LMO7: variants seen among roughly 807,000 people sequenced by gnomAD.
LMO7 encodes LIM domain 7.
A neutral mutation model predicts 206.5 loss-of-function variants in LMO7; 120 were observed. The ratio of observed to expected loss-of-function variants is 0.58; its 90% CI spans 0.50 to 0.68. The LOEUF (loss-of-function observed/expected upper bound fraction) is 0.68, where lower values mean the gene tolerates loss of function less well. Ranked by LOEUF, LMO7 falls within the 30% of genes least tolerant of loss-of-function variation. LMO7 has a pLI of 0.00. For synonymous variants in LMO7, 706 were observed against 681.5 expected, an observed-to-expected ratio of 1.04 and a Z score of -0.56; for missense variants, 1,959 against 1,957.9, an observed-to-expected ratio of 1.00 and a Z score of -0.01.
rs766549380 is a variant in LMO7 at position 75,842,865 on chromosome 13, A to G, written c.4046A>G (p.Tyr1349Cys). 9 of 1,605,870 alleles carry G rather than the reference A, an allele frequency of 5.6e-6. No individual in the cohort carries two copies. Among genetic ancestry groups the G allele is most frequent in the East Asian group, 2.2e-5 (1 of 44,812 alleles). Residue 1349 changes from tyrosine to cysteine, a missense_variant, in exon 25 of 31, where the codon TAT becomes TGT. Coordinates refer to ENST00000377534, the MANE Select transcript of LMO7 (RefSeq NM_001306080.2). ...CTATCTTTTAGGCCTGTTGATTCCT[A>G]TGATATACCAAAGACAGAAGAAGCA... ...IYQYRRPVDS[Y>C]DIPKTEEASS... is the part of the protein sequence containing the mutation.
intron 4 of LMO7, among the ~76,000 whole-genome samples, chr13:75,788,400 G>C (rs2052753855): frequency 6.9e-6 from 1 of 145,508 alleles, no homozygotes; most frequent in Admixed American, 7.1e-5. Context: ...GTTGCAATGA[G>C]CCGAGATTGT....
chr13:75,804,752 C>CT (rs1328242646), intron 8 of LMO7: 6 of 1,046,448 alleles, frequency 5.7e-6, no homozygotes, highest in African/African-American at 1.6e-5. Context: ...TTTGCTAGGT[C>CT]TTTTTTTAGA....
intron 3 of LMO7, among the ~76,000 whole-genome samples, chr13:75,728,897 G>T (rs866281798): frequency 0.011 from 1,670 of 146,716 alleles, 37 homozygotes; most frequent in African/African-American, 0.041. Flanking sequence ...TTTCCCCATT[G>T]CTTGTTTTTC....
chr13:75,836,490 T>C (rs1049959737), intron 19 of LMO7, 33 bp downstream of exon 19: 9 of 1,144,226 alleles, frequency 7.9e-6, no homozygotes, highest in South Asian at 1.4e-5. Flanking sequence ...ACATTTATAA[T>C]ACAGGAAAAG....
At position 75,800,750 on chromosome 13, in the gene LMO7, C is replaced by T; in HGVS notation, c.529C>T (p.Pro177Ser). ...RDSGYGDIWC[P>S]ERGEFLAPPR... The stretch of plus-strand genomic sequence containing the variant: ...CAGTGGCTACGGTGACATCTGGTGT[C>T]CTGAACGTGGAGAATTTCTTGCTCC... The change falls in exon 7 of 31, where the codon CCT (proline) becomes TCT (serine). Residue 177 changes from proline (P) to serine (S), a missense_variant. Coordinates refer to ENST00000377534, the MANE Select transcript of LMO7 (RefSeq NM_001306080.2). The T allele has an allele frequency of 6.2e-7, 1 of 1,614,082 alleles. No individual in the cohort carries two copies. Among genetic ancestry groups the T allele is most frequent in the Admixed American group, 1.7e-5 (1 of 60,004 alleles).
chr13:75,645,220 G>C (rs1372744392), intron 1 of LMO7, among the ~76,000 whole-genome samples: 6 of 152,156 alleles, frequency 3.9e-5, no homozygotes, highest in Admixed American at 2.0e-4. Context: ...TCATGTTTTT[G>C]ATTAGGATAC....
intron 3 of LMO7, among the ~76,000 whole-genome samples, chr13:75,746,312 CCCTGG>C: frequency 1.3e-5 from 2 of 152,106 alleles, no homozygotes; most frequent in South Asian, 2.1e-4. Flanking sequence ...AAATGTTGTT[CCCTGG>C]CAGCATCATG....
intron 15 of LMO7, among the ~76,000 whole-genome samples, chr13:75,824,159 G>A (rs1420024967): frequency 1.3e-5 from 2 of 152,096 alleles, no homozygotes; most frequent in African/African-American, 4.8e-5. Flanking sequence ...AGTAGTGGTT[G>A]CCTTATACTG....
At chr13:75,634,923 T>C (rs896282023), upstream of LMO7, among the ~76,000 whole-genome samples, 3 of 150,586 alleles carry the variant, frequency 2.0e-5, no homozygotes, top group South Asian at 2.1e-4. Context: ...AGAGAATTGC[T>C]TGAACCCAGG....
chr13:75,832,964 G>A (rs551852677), intron 15 of LMO7, 87 bp from the exon 16 acceptor site: 139 of 723,114 alleles, frequency 1.9e-4, no homozygotes, highest in African/African-American at 5.3e-4. Flanking sequence ...TCTACCTAGC[G>A]TGCAGTCTCC....
At chr13:75,681,706 GTATATA>G (rs150463472) in intron 1 of LMO7, among the ~76,000 whole-genome samples, 2 of 93,326 alleles carry the variant, frequency 2.1e-5, no homozygotes, top group East Asian at 2.9e-4. Context: ...GTATGTATGT[GTATATA>G]TATATGTATA....
intron 1 of LMO7, among the ~76,000 whole-genome samples, chr13:75,682,197 G>A (rs550434282): frequency 2.0e-5 from 3 of 152,254 alleles, no homozygotes; most frequent in African/African-American, 7.2e-5. Context: ...GTACTAATAT[G>A]TTTGTAGGTA....
chr13:75,621,933 A>C lies in LMO7; in HGVS notation c.175+65A>C, dbSNP rs372960110. 10 of 1,256,080 alleles carry C rather than the reference A, an allele frequency of 8.0e-6. No homozygotes were observed. In the African/African-American group the frequency reaches 1.5e-4, roughly 19 times the overall value. 77.8% of individuals were successfully genotyped at this position (1,256,080 alleles called of 1,614,324 possible). A position where few individuals can be genotyped will look rare whatever the true frequency, so the allele number is the denominator to read the frequency against. On this transcript the variant is annotated intron_variant, in intron 1 of 29. Coordinates refer to the LMO7 transcript ENST00000341547. ...GAAAGAACTAAGGCAGAGCATCTCC[A>C]TTTGGCTTTTCTTTAGGAACACATG...
intron 4 of LMO7, among the ~76,000 whole-genome samples, chr13:75,769,100 A>G (rs1421689457): frequency 1.3e-5 from 2 of 152,150 alleles, no homozygotes; most frequent in African/African-American, 4.8e-5. Context: ...CATTAAGATA[A>G]AACTTTATTT....
At chr13:75,849,704 A>G (rs1473617879) in intron 27 of LMO7, among the ~76,000 whole-genome samples, 1 of 152,148 alleles carries the variant, frequency 6.6e-6, no homozygotes, top group Non-Finnish European at 1.5e-5. Flanking sequence ...TGAGATAATG[A>G]TTAGATTGGA....
rs1481587445 is a variant in LMO7 at position 75,832,940 on chromosome 13, T to C, written c.2950-111T>C. 8.3e-6 allele frequency: 5 copies of C among 602,368 alleles called. No individual in the cohort carries two copies. In the East Asian group the frequency reaches 1.1e-4, roughly 13 times the overall value. 37.3% of individuals were successfully genotyped at this position (602,368 alleles called of 1,614,324 possible). A position where few individuals can be genotyped will look rare whatever the true frequency, so the allele number is the denominator to read the frequency against. On this transcript the variant is annotated intron_variant, in intron 15 of 30. Transcript: ENST00000377534. ...AAAGAATGAAGCTTCTAGTTTATCA[T>C]GAAATGATTCAAGTCTACCTAGCGT...
chr13:75,671,660 G>A (rs1197885890), intron 1 of LMO7, among the ~76,000 whole-genome samples: 1 of 152,198 alleles, frequency 6.6e-6, no homozygotes, highest in African/African-American at 2.4e-5. Flanking sequence ...AAGATGAAAT[G>A]AGAGCTAATT....
chr13:75,660,589 A>G (rs2038489505), intron 1 of LMO7, among the ~76,000 whole-genome samples: 1 of 152,176 alleles, frequency 6.6e-6, no homozygotes, highest in Non-Finnish European at 1.5e-5. Context: ...TTACTATACC[A>G]GGAGAGCTCA....
chr13:75,836,770 A>G (rs188627147), intron 19 of LMO7, among the ~76,000 whole-genome samples: 11 of 152,304 alleles, frequency 7.2e-5, no homozygotes, highest in Admixed American at 2.6e-4. Context: ...TATGCTGGCA[A>G]TGGGAATCTT....
Sources: gnomAD v4.1 joint callset for allele counts (sites outside exome capture counted in the v4.1 genomes callset) on GRCh38, gnomAD v4.1.1 for gene constraint, MANE v1.5 for transcripts, NCBI Gene and HGNC (gene_info 2026-07-23, HGNC 2026-07-21) for gene names.